AGBL4: variants seen among roughly 807,000 people sequenced by gnomAD.
The protein encoded by AGBL4 is cytosolic carboxypeptidase 6.
AGBL4 carries 58 observed loss-of-function variants against 66.4 expected under a neutral mutation model. The observed-to-expected ratio is 0.87, with a 90% confidence interval of 0.71 to 1.09. AGBL4 has a LOEUF of 1.09. AGBL4 is among the 50% of genes least tolerant of loss of function. The probability of loss-of-function intolerance (pLI) is 0.00; values close to 1 mark genes in which losing one functional copy is unlikely to be tolerated. For missense variants in AGBL4, 579 were observed against 631.0 expected, an observed-to-expected ratio of 0.92 and a Z score of 0.88; for synonymous variants, 234 against 222.9, an observed-to-expected ratio of 1.05 and a Z score of -0.44.
intron 9 of AGBL4, among the ~76,000 whole-genome samples, chr1:48,611,356 C>T (rs1009111464): frequency 1.3e-5 from 2 of 152,216 alleles, no homozygotes; most frequent in Non-Finnish European, 2.9e-5. Context: ...AGGGTCATGG[C>T]CTGAGCCAAT....
intron 6 of AGBL4, among the ~76,000 whole-genome samples, chr1:48,797,239 A>G (rs1402496996): frequency 6.6e-6 from 1 of 152,138 alleles, no homozygotes; most frequent in Admixed American, 6.5e-5. Context: ...TTTTATTTTA[A>G]TAGTTTTTGG....
At chr1:49,931,409 G>C (rs1168268592) in intron 1 of AGBL4, among the ~76,000 whole-genome samples, 1 of 152,084 alleles carries the variant, frequency 6.6e-6, no homozygotes, top group African/African-American at 2.4e-5. Context: ...AATGGCTTGG[G>C]AGGCCTCAGG....
intron 5 of AGBL4, among the ~76,000 whole-genome samples, chr1:49,011,044 C>A (rs1328485483): frequency 6.6e-6 from 1 of 151,864 alleles, no homozygotes; most frequent in African/African-American, 2.4e-5. Context: ...TCTAATTAAA[C>A]TAAAGAGCTT....
At chr1:48,676,236 C>CTTCCA (rs1646362806) in intron 6 of AGBL4, among the ~76,000 whole-genome samples, 2 of 152,244 alleles carry the variant, frequency 1.3e-5, no homozygotes, top group African/African-American at 4.8e-5. Flanking sequence ...TCAGTCCTAC[C>CTTCCA]TTCCACCTTC....
intron 3 of AGBL4, among the ~76,000 whole-genome samples, chr1:49,256,065 A>G (rs1388996408): frequency 6.6e-6 from 1 of 152,190 alleles, no homozygotes; most frequent in Non-Finnish European, 1.5e-5. Context: ...ACTAGGCTTC[A>G]TATCTGAGTG....
intron 7 of AGBL4, among the ~76,000 whole-genome samples, chr1:48,660,667 C>T (rs1364056971): frequency 6.6e-6 from 1 of 152,088 alleles, no homozygotes; most frequent in Non-Finnish European, 1.5e-5. Flanking sequence ...AATTGTGTGT[C>T]TCATGGGGCA....
At chr1:49,722,615 A>G (rs945430385) in intron 2 of AGBL4, among the ~76,000 whole-genome samples, 5 of 152,152 alleles carry the variant, frequency 3.3e-5, no homozygotes, top group South Asian at 2.1e-4. Flanking sequence ...TTCTTCTTCA[A>G]AGATTAAAAA....
chr1:49,025,852 C>T (rs1163361893), intron 5 of AGBL4, among the ~76,000 whole-genome samples: 2 of 152,124 alleles, frequency 1.3e-5, no homozygotes, highest in Non-Finnish European at 2.9e-5. Context: ...ACCATCTTTG[C>T]TTTCTGTAAT....
chr1:48,837,616 G>A (rs1446299782), intron 6 of AGBL4, among the ~76,000 whole-genome samples: 1 of 149,376 alleles, frequency 6.7e-6, no homozygotes, highest in Non-Finnish European at 1.5e-5. Flanking sequence ...GCTTGCAGAT[G>A]GCCTATTGTG....
intron 3 of AGBL4, among the ~76,000 whole-genome samples, chr1:49,521,609 A>G (rs1324062077): frequency 1.3e-5 from 2 of 152,112 alleles, no homozygotes; most frequent in African/African-American, 4.8e-5. Flanking sequence ...AGCTATATAC[A>G]GAAGAATAAA....
intron 1 of AGBL4, among the ~76,000 whole-genome samples, chr1:49,888,569 T>C (rs1648306471): frequency 6.6e-6 from 1 of 152,200 alleles, no homozygotes; most frequent in East Asian, 1.9e-4. Flanking sequence ...ACTAAAGGGA[T>C]ACATTACAAC....
At chr1:49,166,976 G>C (rs1646647167) in intron 4 of AGBL4, among the ~76,000 whole-genome samples, 1 of 152,026 alleles carries the variant, frequency 6.6e-6, no homozygotes, top group African/African-American at 2.4e-5. Flanking sequence ...ATATAGCTTG[G>C]TGTCCACAAC....
intron 5 of AGBL4, among the ~76,000 whole-genome samples, chr1:49,014,621 ATT>A (rs1209055224): frequency 6.6e-6 from 1 of 151,890 alleles, no homozygotes; most frequent in Non-Finnish European, 1.5e-5. Flanking sequence ...TCTTCATATT[ATT>A]TTTTTCTTGC....
intron 3 of AGBL4, among the ~76,000 whole-genome samples, chr1:49,429,651 T>A (rs1011239724): frequency 2.3e-4 from 35 of 152,088 alleles, no homozygotes; most frequent in African/African-American, 8.5e-4. Context: ...CATGATTTTT[T>A]AAAAAATAAG....
intron 2 of AGBL4, among the ~76,000 whole-genome samples, chr1:49,778,144 T>C (rs919399772): frequency 6.6e-6 from 1 of 152,170 alleles, no homozygotes; most frequent in Non-Finnish European, 1.5e-5. Flanking sequence ...ACTCACAGCA[T>C]GGAAGTTCTA....
At chr1:49,466,767 C>A (rs901912329) in intron 3 of AGBL4, among the ~76,000 whole-genome samples, 1 of 151,740 alleles carries the variant, frequency 6.6e-6, no homozygotes, top group Non-Finnish European at 1.5e-5. Context: ...GGTTCGTATC[C>A]TCATTACAGA....
chr1:48,771,599 C>A (rs1240779994), intron 6 of AGBL4, among the ~76,000 whole-genome samples: 1 of 152,178 alleles, frequency 6.6e-6, no homozygotes, highest in Non-Finnish European at 1.5e-5. Context: ...TGTATATCAG[C>A]AAAACATGTC....
chr1:49,471,309 A>G (rs1646739100), intron 3 of AGBL4, among the ~76,000 whole-genome samples: 1 of 151,950 alleles, frequency 6.6e-6, no homozygotes, highest in Non-Finnish European at 1.5e-5. Flanking sequence ...CCCCATGAGT[A>G]CCTTCACAAT....
intron 4 of AGBL4, among the ~76,000 whole-genome samples, chr1:49,134,609 C>G (rs1220777833): frequency 6.6e-6 from 1 of 151,676 alleles, no homozygotes; most frequent in African/African-American, 2.4e-5. Context: ...CTCTGTCCTG[C>G]CTGGCTCCCA....
Sources: allele counts gnomAD v4.1 joint callset (sites outside exome capture counted in the v4.1 genomes callset), GRCh38; gene constraint gnomAD v4.1.1; transcripts MANE v1.5; gene names NCBI Gene and HGNC (gene_info 2026-07-23, HGNC 2026-07-21).